The following PIBF1 variants were observed in gnomAD, a reference collection of about 807,000 sequenced individuals.
The protein encoded by PIBF1 is progesterone immunomodulatory binding factor 1.
A neutral mutation model predicts 112.5 loss-of-function variants in PIBF1; 90 were observed. The ratio of observed to expected loss-of-function variants is 0.80; its 90% CI spans 0.67 to 0.95. The LOEUF is 0.95. PIBF1 is among the 40% of genes least tolerant of loss of function. The pLI is 0.00. For synonymous variants in PIBF1, 301 were observed against 288.6 expected (o/e 1.04, Z -0.44); for missense variants, 915 against 852.3 (o/e 1.07, Z -0.92).
chr13:72,795,984 C>G (rs2035173016), intron 4 of PIBF1, among the ~76,000 whole-genome samples: 1 of 152,070 alleles, frequency 6.6e-6, no homozygotes, highest in Non-Finnish European at 1.5e-5. Context: ...TCTAGAACAC[C>G]TAGGATTAAT....
At chr13:72,928,391 CT>C (rs2041599066) in intron 13 of PIBF1, among the ~76,000 whole-genome samples, 3 of 151,906 alleles carry the variant, frequency 2.0e-5, no homozygotes, top group Non-Finnish European at 4.4e-5. Flanking sequence ...AGGGAAATTC[CT>C]TTTTGAAGAA....
At chr13:72,822,245 G>C (rs941398059) in intron 6 of PIBF1, among the ~76,000 whole-genome samples, 4 of 151,730 alleles carry the variant, frequency 2.6e-5, no homozygotes, top group Non-Finnish European at 5.9e-5. Context: ...TATTTTTTCA[G>C]TGTTATTTGA....
At chr13:73,004,210 G>T (rs1244765953) in intron 17 of PIBF1, among the ~76,000 whole-genome samples, 2 of 152,094 alleles carry the variant, frequency 1.3e-5, no homozygotes, top group Non-Finnish European at 2.9e-5. Context: ...TATGATATTG[G>T]CCAGGCGCGG....
chr13:72,869,776 C>A (rs1000095321), intron 10 of PIBF1, among the ~76,000 whole-genome samples: 1 of 151,754 alleles, frequency 6.6e-6, no homozygotes, highest in Non-Finnish European at 1.5e-5. Flanking sequence ...CAAGGCATAG[C>A]TAAAGGTTGT....
chr13:72,894,986 T>A (rs1033944327), intron 11 of PIBF1, among the ~76,000 whole-genome samples: 1 of 150,994 alleles, frequency 6.6e-6, no homozygotes, highest in African/African-American at 2.4e-5. Context: ...AAGTTAGGTG[T>A]GGTGGCATGC....
intron 14 of PIBF1, among the ~76,000 whole-genome samples, chr13:72,963,316 G>C (rs868524221): frequency 6.6e-6 from 1 of 152,092 alleles, no homozygotes; most frequent in African/African-American, 2.4e-5. Flanking sequence ...ATTATCAGCC[G>C]GACCCAATGG....
intron 4 of PIBF1, among the ~76,000 whole-genome samples, chr13:72,796,939 A>C (rs1471605454): frequency 6.6e-6 from 1 of 152,128 alleles, no homozygotes; most frequent in African/African-American, 2.4e-5. Context: ...GTATTCTTGT[A>C]ATACCGTCAT....
intron 14 of PIBF1, among the ~76,000 whole-genome samples, chr13:72,952,035 C>CTTTT (rs67211238): frequency 1.6e-5 from 2 of 123,002 alleles, no homozygotes; most frequent in African/African-American, 5.9e-5. Flanking sequence ...TTTCTTTTCT[C>CTTTT]TTTTTTTTTT....
chr13:72,910,103 G>A (rs2040845173), intron 12 of PIBF1, among the ~76,000 whole-genome samples: 1 of 152,070 alleles, frequency 6.6e-6, no homozygotes, highest in Admixed American at 6.5e-5. Flanking sequence ...CATAAGGACT[G>A]TATTTACTTG....
chr13:72,957,251 T>C (rs2042472798), intron 14 of PIBF1, among the ~76,000 whole-genome samples: 1 of 152,070 alleles, frequency 6.6e-6, no homozygotes, highest in Non-Finnish European at 1.5e-5. Flanking sequence ...TGCAAAAATA[T>C]GGAACCAGCT....
chr13:72,854,018 A>G, intron 9 of PIBF1, 39 bp from the exon 10 acceptor site: 1 of 1,326,232 alleles, frequency 7.5e-7, no homozygotes, highest in Non-Finnish European at 1.1e-6. Flanking sequence ...TAGATAAATC[A>G]CGCATTTGAA....
chr13:72,945,711 A>G (rs2042132138), intron 14 of PIBF1, among the ~76,000 whole-genome samples: 1 of 152,244 alleles, frequency 6.6e-6, no homozygotes, highest in African/African-American at 2.4e-5. Context: ...AAATTAGAGA[A>G]TATGAATTAC....
At chr13:72,895,738 G>GAAT (rs1393805781) in intron 11 of PIBF1, among the ~76,000 whole-genome samples, 4 of 152,164 alleles carry the variant, frequency 2.6e-5, no homozygotes, top group Admixed American at 1.3e-4. Context: ...TCCAGATTGT[G>GAAT]AATTTTAGCT....
At chr13:72,892,419 A>G (rs569087328) in intron 10 of PIBF1, among the ~76,000 whole-genome samples, 16 of 152,228 alleles carry the variant, frequency 1.1e-4, no homozygotes, top group African/African-American at 3.6e-4. Flanking sequence ...TTCTCTGATT[A>G]TATTTTGAAT....
chr13:72,914,072 C>T (rs1221787355), intron 12 of PIBF1, among the ~76,000 whole-genome samples: 2 of 152,030 alleles, frequency 1.3e-5, no homozygotes, highest in African/African-American at 4.8e-5. Flanking sequence ...GTACAATTTT[C>T]AAAGGCTTGC....
chr13:72,825,430 GATAC>G (rs2036761232), intron 6 of PIBF1, among the ~76,000 whole-genome samples: 1 of 152,160 alleles, frequency 6.6e-6, no homozygotes, highest in African/African-American at 2.4e-5. Context: ...TACACATATA[GATAC>G]ATGACCCTTG....
intron 2 of PIBF1, among the ~76,000 whole-genome samples, chr13:72,784,807 C>T (rs922117047): frequency 7.9e-5 from 12 of 151,922 alleles, no homozygotes; most frequent in African/African-American, 2.7e-4. Flanking sequence ...GTGATTTAAA[C>T]GTAGATATGG....
intron 12 of PIBF1, among the ~76,000 whole-genome samples, chr13:72,913,290 GT>G (rs1218937366): frequency 6.6e-6 from 1 of 151,994 alleles, no homozygotes; most frequent in Non-Finnish European, 1.5e-5. Flanking sequence ...TTTATACATG[GT>G]GAAAGTTACA....
chr13:72,924,432 G>A (rs1470346812), intron 13 of PIBF1, among the ~76,000 whole-genome samples: 1 of 152,054 alleles, frequency 6.6e-6, no homozygotes, highest in Non-Finnish European at 1.5e-5. Flanking sequence ...TCAGTCCAGA[G>A]GTACTTATCG....
Sources: allele counts gnomAD v4.1 joint callset (sites outside exome capture counted in the v4.1 genomes callset), GRCh38; gene constraint gnomAD v4.1.1; transcripts MANE v1.5; gene names NCBI Gene and HGNC (gene_info 2026-07-23, HGNC 2026-07-21).